Variants in RBM28 observed in about 807,000 individuals in gnomAD.
The protein encoded by RBM28 is RNA-binding protein 28.
In RBM28, 78 loss-of-function variants were observed where a neutral mutation model predicts 98.3. That is an observed-to-expected ratio of 0.79 (90% CI 0.66 to 0.96). The LOEUF (loss-of-function observed/expected upper bound fraction) is 0.96. Among genes scored for constraint, RBM28 ranks in the 40% least tolerant of loss-of-function variants. The pLI, the probability that RBM28 is intolerant of heterozygous loss-of-function variation, is 0.00. For missense variants in RBM28, 838 were observed against 913.0 expected (o/e 0.92, Z 1.06); for synonymous variants, 306 against 330.9 (o/e 0.92, Z 0.82).
intron 1 of RBM28, among the ~76,000 whole-genome samples, chr7:128,342,595 T>C (rs1796749821): frequency 6.6e-6 from 1 of 152,008 alleles, no homozygotes; most frequent in Non-Finnish European, 1.5e-5. Context: ...GGCAGGAGAA[T>C]GGGTTGAACC....
At position 128,339,763 on chromosome 7, in the gene RBM28, A is replaced by G; in HGVS notation, c.147T>C (p.Tyr49=). The change falls in exon 2 of 19, where the codon TAT becomes TAC. Residue 49 remains tyrosine, a synonymous_variant. Transcript: ENST00000223073. ...KGSKACRGFG[Y]VTFSMLEDVQ... is the part of the protein sequence containing the mutation. ...CATCTTCCAGCATTGAAAAAGTGAC[A>G]TAGCCAAAGCCTCGACATGCCTTAC... 1 of 1,614,166 alleles carries G rather than the reference A, an allele frequency of 6.2e-7. No individual in the cohort carries two copies. Among genetic ancestry groups the G allele is most frequent in the Non-Finnish European group, 8.5e-7 (1 of 1,180,008 alleles).
At chr7:128,314,331 C>T (rs1280359922) in intron 17 of RBM28, among the ~76,000 whole-genome samples, 3 of 152,208 alleles carry the variant, frequency 2.0e-5, no homozygotes, top group Admixed American at 6.5e-5. Flanking sequence ...CTGAATAATA[C>T]ACTGTCTCTA....
chr7:128,342,072 T>A (rs1032986421), intron 1 of RBM28, among the ~76,000 whole-genome samples: 1 of 152,100 alleles, frequency 6.6e-6, no homozygotes, highest in Admixed American at 6.5e-5. Context: ...AGTAGGAGGA[T>A]TGCTTGAGCC....
In RBM28 at chr7:128,313,199, C is replaced by T. The variant is rs753637128; in HGVS notation, c.2121G>A (p.Glu707=). 6.2e-7 allele frequency: 1 copy of T among 1,614,064 alleles called. No homozygotes were observed. Among genetic ancestry groups the T allele is most frequent in the African/African-American group, 1.3e-5 (1 of 74,938 alleles). The change falls in exon 18 of 19, where the codon GAG becomes GAA. Residue 707 remains glutamate (E), a synonymous_variant. Coordinates refer to ENST00000223073, the MANE Select transcript of RBM28 (RefSeq NM_018077.3). ...PKPQINQWKQ[E]KQQLSSEQVS... The stretch of plus-strand genomic sequence containing the variant: ...CCTGCTCGGACGATAATTGCTGCTT[C>T]TCCTGCTTCCACTGGTTTATCTGTG...
chr7:128,324,568 G>A lies in RBM28; in HGVS notation c.1330C>T (p.Arg444Ter), dbSNP rs1254193461. Residue 444 changes from arginine (R) to a stop codon, truncating the protein, a stop_gained, in exon 12 of 19, where the codon CGA becomes TGA. Coordinates refer to ENST00000223073, the MANE Select transcript of RBM28 (RefSeq NM_018077.3). LOFTEE classifies it high-confidence loss of function. Reference protein sequence around the residue: ...PTGTRNLYLAREGLIRAGTKA... With the variant: ...PTGTRNLYLA ...ACATCTCCCTACTCACAGCCTTCTCGGGCCAGATAGAGATTCCGGGTGCCA... is the reference window on the plus strand; with the variant it reads ...ACATCTCCCTACTCACAGCCTTCTCAGGCCAGATAGAGATTCCGGGTGCCA... 9.9e-6 allele frequency: 16 copies of A among 1,614,136 alleles called. No homozygotes were observed. The highest frequency in any genetic ancestry group is 1.3e-5 in the Non-Finnish European group (15 of 1,180,018).
intron 8 of RBM28, among the ~76,000 whole-genome samples, chr7:128,334,545 T>TA (rs1385794489): frequency 6.6e-6 from 1 of 152,156 alleles, no homozygotes; most frequent in East Asian, 1.9e-4. Context: ...GGAATCAGAA[T>TA]AAAAACAGCT....
intron 1 of RBM28, among the ~76,000 whole-genome samples, chr7:128,340,687 CAATA>C (rs765897791): frequency 4.1e-4 from 62 of 152,286 alleles, no homozygotes; most frequent in Non-Finnish European, 7.4e-4. Flanking sequence ...GAACCTCAAA[CAATA>C]AATACTGCTC....
chr7:128,333,357 G>A lies in RBM28; in HGVS notation c.952C>T (p.Gln318Ter). Reference protein sequence around the residue: ...STEEQEDKAVQVSNKKKRKLP... With the variant: ...STEEQEDKAV The stretch of plus-strand genomic sequence containing the variant: ...TTCCTCTTCTTTTTGTTTGAGACTT[G>A]CACAGCTAAGGTAAAAAGAAAAACA... The change falls in exon 9 of 19, where the codon CAA (glutamine) becomes TAA (stop). Residue 318 changes from glutamine to a stop codon, truncating the protein, a stop_gained. Coordinates refer to ENST00000223073, the MANE Select transcript of RBM28 (RefSeq NM_018077.3). LOFTEE classifies it high-confidence loss of function. 6.3e-7 allele frequency: 1 copy of A among 1,594,726 alleles called. No individual in the cohort carries two copies. Among genetic ancestry groups the A allele is most frequent in the Non-Finnish European group, 8.6e-7 (1 of 1,162,528 alleles).
rs762822673 is a variant in RBM28 at position 128,314,758 on chromosome 7, T to A, written c.2045+6A>T. ...TGTTCTGTGCTTCTGCCCTCCTGCATCTCACCTGATTTTGGGGCCTCGGTG... is the reference window on the plus strand; with the variant it reads ...TGTTCTGTGCTTCTGCCCTCCTGCAACTCACCTGATTTTGGGGCCTCGGTG... On this transcript the variant is annotated splice_donor_region_variant and intron_variant, in intron 17 of 18. Coordinates refer to ENST00000223073, the MANE Select transcript of RBM28 (RefSeq NM_018077.3). The A allele has an allele frequency of 1.2e-6, 2 of 1,614,208 alleles. No homozygotes were observed. The highest frequency in any genetic ancestry group is 2.2e-5 in the East Asian group (1 of 44,888).
In RBM28 at chr7:128,335,876, C is replaced by A. The variant is rs1390538008; in HGVS notation, c.780G>T (p.Lys260Asn). The change falls in exon 7 of 19, where the codon AAG becomes AAT. Residue 260 changes from lysine to asparagine, a missense_variant. Coordinates refer to ENST00000223073, the MANE Select transcript of RBM28 (RefSeq NM_018077.3). ...TCTGAATTTGCACAGGCTTGGTCAC[C>A]TTTGATTCTATATTCTCTTCCTCTT... The part of the protein sequence containing the change: ...EDEEEENIES[K>N]VTKPVQIQKR... 6.2e-7 allele frequency: 1 copy of A among 1,613,956 alleles called. No homozygotes were observed. The highest frequency in any genetic ancestry group is 1.3e-5 in the African/African-American group (1 of 74,920).
intron 10 of RBM28, among the ~76,000 whole-genome samples, chr7:128,329,888 C>CAAAAAAAAAAAAAAAAAAAA (rs398006204): frequency 9.8e-6 from 1 of 101,618 alleles, no homozygotes; most frequent in African/African-American, 4.2e-5. Context: ...GACTCCGTCT[C>CAAAAAAAAAAAAAAAAAAAA]AAAAAAAAAA....
In RBM28 at chr7:128,307,801, T is replaced by C. The variant is rs1257702608; in HGVS notation, c.*2996A>G. The C allele has an allele frequency of 6.6e-6, 1 of 152,204 alleles. No homozygotes were observed. Among genetic ancestry groups the C allele is most frequent in the Non-Finnish European group, 1.5e-5 (1 of 68,046 alleles). The allele number at this position is 152,204 out of a possible 1,614,324, so 9.4% of individuals were successfully genotyped here. On this transcript the variant is annotated 3_prime_UTR_variant, in exon 19 of 19. Transcript: ENST00000223073. ...TGACTGGTGGCCTTGTCTTGGATGT[T>C]AAGAAAAAATTTGCTGTTGTTTTTC... is the stretch of plus-strand genomic sequence containing the variant.
intron 1 of RBM28, among the ~76,000 whole-genome samples, chr7:128,342,963 T>C (rs1796759893): frequency 6.6e-6 from 1 of 152,192 alleles, no homozygotes; most frequent in Non-Finnish European, 1.5e-5. Flanking sequence ...CACATGCACA[T>C]AGACTTCCTA....
chr7:128,331,613 T>C (rs1226667476), intron 9 of RBM28, among the ~76,000 whole-genome samples: 2 of 152,180 alleles, frequency 1.3e-5, no homozygotes, highest in African/African-American at 4.8e-5. Flanking sequence ...AAAATCTTAC[T>C]AAAGTCAGAA....
At chr7:128,336,580 C>CTTAG (rs1237423966) in intron 6 of RBM28, among the ~76,000 whole-genome samples, 1 of 152,174 alleles carries the variant, frequency 6.6e-6, no homozygotes, top group African/African-American at 2.4e-5. Flanking sequence ...CAGGAAGGGG[C>CTTAG]TTAGACTCAA....
Position 128,308,650 on chromosome 7 carries a change from G to A in RBM28, c.*2147C>T, listed in dbSNP as rs1484473711. On this transcript the variant is annotated 3_prime_UTR_variant, in exon 19 of 19. Transcript: ENST00000223073. ...TCCTTCATCCATTTCTAAACCAAAGGCATTTCAGAGCATTCATGGGTTCCC... is the reference window on the plus strand; with the variant it reads ...TCCTTCATCCATTTCTAAACCAAAGACATTTCAGAGCATTCATGGGTTCCC... 6.6e-6 allele frequency: 1 copy of A among 152,076 alleles called. No individual in the cohort carries two copies. Among genetic ancestry groups the A allele is most frequent in the Non-Finnish European group, 1.5e-5 (1 of 68,028 alleles). 9.4% of individuals were successfully genotyped at this position (152,076 alleles called of 1,614,324 possible).
chr7:128,339,793 T>C lies in RBM28; in HGVS notation c.119-2A>G, dbSNP rs1217356988. Reference sequence around the variant, plus strand: ...CAAAGCCTCGACATGCCTTACTCCCTGGAATAATGGAGTGGGGAGGGAGTG... The same window carrying C: ...CAAAGCCTCGACATGCCTTACTCCCCGGAATAATGGAGTGGGGAGGGAGTG... On this transcript the variant is annotated splice_acceptor_variant, in intron 1 of 18. Transcript: ENST00000223073. LOFTEE classifies it high-confidence loss of function. 2.5e-6 allele frequency: 4 copies of C among 1,613,644 alleles called. No homozygotes were observed. In the Admixed American group the frequency reaches 6.7e-5, roughly 27 times the overall value.
chr7:128,303,394 T>C lies in RBM28; in HGVS notation c.*7403A>G, dbSNP rs751484329. On this transcript the variant is annotated 3_prime_UTR_variant, in exon 19 of 19. Coordinates refer to ENST00000223073, the MANE Select transcript of RBM28 (RefSeq NM_018077.3). Reference sequence around the variant, plus strand: ...TCTCAATAACCTTCACCAGGCTTGCTGTGAAGGTCACCTGAGATAAGAGAC... The same window carrying C: ...TCTCAATAACCTTCACCAGGCTTGCCGTGAAGGTCACCTGAGATAAGAGAC... The C allele has an allele frequency of 1.3e-5, 2 of 152,196 alleles. No homozygotes were observed. The highest frequency in any genetic ancestry group is 4.8e-5 in the African/African-American group (2 of 41,434). 9.4% of individuals were successfully genotyped at this position (152,196 alleles called of 1,614,324 possible). A position where few individuals can be genotyped will look rare whatever the true frequency, so the allele number is the denominator to read the frequency against.
At chr7:128,330,370 CCT>C (rs1491422171) in intron 10 of RBM28, among the ~76,000 whole-genome samples, 1 of 89,000 alleles carries the variant, frequency 1.1e-5, no homozygotes, top group East Asian at 3.0e-4. Context: ...TGTCCCTGGT[CCT>C]TTTTTTTTTT....
Sources: allele counts gnomAD v4.1 joint callset (sites outside exome capture counted in the v4.1 genomes callset), GRCh38; gene constraint gnomAD v4.1.1; transcripts MANE v1.5; gene names NCBI Gene and HGNC (gene_info 2026-07-23, HGNC 2026-07-21).